The following FARS2 variants were observed in gnomAD, a reference collection of about 807,000 sequenced individuals.
FARS2 encodes the protein phenylalanyl-tRNA synthetase 2, mitochondrial.
FARS2 carries 40 observed loss-of-function variants against 46.4 expected under a neutral mutation model. The observed-to-expected ratio is 0.86, with a 90% confidence interval of 0.67 to 1.12. The LOEUF is 1.12. Among genes scored for constraint, FARS2 ranks in the 50% most tolerant of loss-of-function variants. The pLI is 0.00. For synonymous variants in FARS2, 234 were observed against 214.9 expected, an observed-to-expected ratio of 1.09 and a Z score of -0.78; for missense variants, 513 against 567.9, an observed-to-expected ratio of 0.90 and a Z score of 0.98.
At chr6:5,347,179 G>A (rs1757292741) in intron 1 of FARS2, among the ~76,000 whole-genome samples, 1 of 152,198 alleles carries the variant, frequency 6.6e-6, no homozygotes, top group African/African-American at 2.4e-5. Context: ...CCCCCGAAGT[G>A]TGGGGATTAC....
chr6:5,384,995 C>G (rs550013909), intron 2 of FARS2, among the ~76,000 whole-genome samples: 2 of 152,302 alleles, frequency 1.3e-5, no homozygotes, highest in South Asian at 4.1e-4. Context: ...GTGCTCATCT[C>G]TGTAACTTGA....
At chr6:5,255,589 A>C in the FARS2 span, among the ~76,000 whole-genome samples, 1 of 152,156 alleles carries the variant, frequency 6.6e-6, no homozygotes, top group Admixed American at 6.5e-5. Flanking sequence ...AAGGCCTAAG[A>C]CCAGTTAAGT....
chr6:5,289,904 G>A (rs1310916290), intron 1 of FARS2, among the ~76,000 whole-genome samples: 2 of 152,162 alleles, frequency 1.3e-5, no homozygotes, highest in East Asian at 3.9e-4. Context: ...TAGGTTCCCT[G>A]CCTCCAAACC....
intron 6 of FARS2, among the ~76,000 whole-genome samples, chr6:5,736,854 C>T (rs1760985816): frequency 1.3e-5 from 2 of 152,072 alleles, no homozygotes; most frequent in Non-Finnish European, 2.9e-5. Context: ...CATGGCAAAC[C>T]AATTTACTGC....
chr6:5,285,842 C>T (rs982888810), intron 1 of FARS2, among the ~76,000 whole-genome samples: 3 of 152,226 alleles, frequency 2.0e-5, no homozygotes, highest in African/African-American at 4.8e-5. Context: ...TGGAATTCCT[C>T]AGTCTTGGGT....
In FARS2 at chr6:5,368,853, G is replaced by C; in HGVS notation, c.283G>C (p.Glu95Gln). 6.2e-7 allele frequency: 1 copy of C among 1,614,078 alleles called. No individual in the cohort carries two copies. Among genetic ancestry groups the C allele is most frequent in the Non-Finnish European group, 8.5e-7 (1 of 1,180,014 alleles). Residue 95 changes from glutamate (E) to glutamine (Q), a missense_variant, in exon 2 of 7, where the codon GAG (glutamate) becomes CAG (glutamine). Transcript: ENST00000274680. ...PLWLIKERVK[E>Q]HFYKQYVGRF... Reference sequence around the variant, plus strand: ...GTGGCTGATCAAGGAGAGGGTGAAGGAGCACTTCTACAAGCAGTATGTGGG... The same window carrying C: ...GTGGCTGATCAAGGAGAGGGTGAAGCAGCACTTCTACAAGCAGTATGTGGG...
chr6:5,699,760 A>G (rs1463472176), intron 6 of FARS2, among the ~76,000 whole-genome samples: 2 of 152,188 alleles, frequency 1.3e-5, no homozygotes, highest in African/African-American at 4.8e-5. Context: ...AAAAGCACTT[A>G]TGCCTAGTAC....
chr6:5,536,196 C>T (rs1008238113), intron 4 of FARS2, among the ~76,000 whole-genome samples: 1 of 152,008 alleles, frequency 6.6e-6, no homozygotes, highest in African/African-American at 2.4e-5. Flanking sequence ...GGACTACAGG[C>T]TCCCGCCATG....
At chr6:5,616,471 T>C (rs948420548) in intron 6 of FARS2, among the ~76,000 whole-genome samples, 5 of 152,222 alleles carry the variant, frequency 3.3e-5, no homozygotes, top group Non-Finnish European at 7.3e-5. Flanking sequence ...CAAAAAATGC[T>C]TGGGGCCAGA....
intron 6 of FARS2, among the ~76,000 whole-genome samples, chr6:5,726,163 T>C (rs1014400935): frequency 6.6e-6 from 1 of 152,050 alleles, no homozygotes; most frequent in Non-Finnish European, 1.5e-5. Context: ...TTTTTTCTTT[T>C]TAGAATCTTT....
chr6:5,318,716 C>G (rs1022555249), intron 1 of FARS2, among the ~76,000 whole-genome samples: 1 of 152,152 alleles, frequency 6.6e-6, no homozygotes, highest in African/African-American at 2.4e-5. Context: ...GAGCTTTCCC[C>G]TTGGCTCACT....
At chr6:5,623,872 G>T (rs1225637638) in intron 6 of FARS2, among the ~76,000 whole-genome samples, 1 of 152,134 alleles carries the variant, frequency 6.6e-6, no homozygotes, top group Non-Finnish European at 1.5e-5. Context: ...TCACATCCTG[G>T]TCTTATTCCT....
intron 4 of FARS2, among the ~76,000 whole-genome samples, chr6:5,459,285 T>C (rs1056997929): frequency 2.6e-5 from 4 of 152,242 alleles, no homozygotes; most frequent in African/African-American, 9.6e-5. Flanking sequence ...CTAAAAATGT[T>C]GGTATTTTCA....
intron 3 of FARS2, among the ~76,000 whole-genome samples, chr6:5,406,718 G>A (rs1462710977): frequency 4.1e-5 from 6 of 147,930 alleles, no homozygotes; most frequent in Admixed American, 6.7e-5. Flanking sequence ...TCAGTAAAGC[G>A]TCTATGAACA....
Position 5,613,183 on chromosome 6 carries a change from T to G in FARS2, c.1080T>G (p.Tyr360Ter). 1 of 1,613,038 alleles carries G rather than the reference T, an allele frequency of 6.2e-7. No homozygotes were observed. Among genetic ancestry groups the G allele is most frequent in the South Asian group, 1.1e-5 (1 of 90,926 alleles). ...TGTTTTGTTAGCCTCTTAGCAAATA[T>G]CCGGCTGTGATCAATGATATTTCAT... ...QKVKFQPLSKYPAVINDISFW... is the reference protein window; with the variant it reads ...QKVKFQPLSK Residue 360 changes from tyrosine (Y) to a stop codon, truncating the protein, a stop_gained, in exon 6 of 7, where the codon TAT becomes TAG. Transcript: ENST00000274680. LOFTEE classifies it high-confidence loss of function.
At chr6:5,408,977 T>A (rs976046691) in intron 3 of FARS2, among the ~76,000 whole-genome samples, 1 of 152,222 alleles carries the variant, frequency 6.6e-6, no homozygotes, top group Non-Finnish European at 1.5e-5. Flanking sequence ...TCAGGATATA[T>A]ATCTCTCTGA....
intron 3 of FARS2, among the ~76,000 whole-genome samples, chr6:5,421,217 G>C (rs528199795): frequency 6.6e-5 from 10 of 150,968 alleles, no homozygotes; most frequent in African/African-American, 2.4e-4. Context: ...TGCACCCTCC[G>C]AAGCCACAGC....
intron 6 of FARS2, among the ~76,000 whole-genome samples, chr6:5,719,440 AAGAG>A (rs1291930257): frequency 5.5e-4 from 6 of 10,902 alleles, no homozygotes; most frequent in African/African-American, 1.0e-3. Context: ...AAAGGAAAGA[AAGAG>A]AGAAAGAGAT....
At chr6:5,392,542 A>G (rs1760584691) in intron 2 of FARS2, among the ~76,000 whole-genome samples, 1 of 151,948 alleles carries the variant, frequency 6.6e-6, no homozygotes, top group Non-Finnish European at 1.5e-5. Context: ...ATATTTTTCT[A>G]TACACATTGA....
Sources: gnomAD v4.1 joint callset for allele counts (sites outside exome capture counted in the v4.1 genomes callset) on GRCh38, gnomAD v4.1.1 for gene constraint, MANE v1.5 for transcripts, NCBI Gene and HGNC (gene_info 2026-07-23, HGNC 2026-07-21) for gene names.